ECSIT: variants seen among roughly 807,000 people sequenced by gnomAD.
The protein encoded by ECSIT is evolutionarily conserved signaling intermediate in Toll pathway, mitochondrial.
A neutral mutation model predicts 36.8 loss-of-function variants in ECSIT; 29 were observed. That is an observed-to-expected ratio of 0.79 (90% CI 0.59 to 1.08). The LOEUF is 1.08. Ranked by LOEUF, ECSIT falls within the 50% of genes least tolerant of loss-of-function variation. ECSIT has a pLI of 0.00. For missense variants in ECSIT, 542 were observed against 581.0 expected (o/e 0.93, Z 0.69); for synonymous variants, 231 against 234.8 (o/e 0.98, Z 0.15).
Position 11,505,979 on chromosome 19 carries a change from C to T in ECSIT, c.*205G>A, listed in dbSNP as rs972361536. On this transcript the variant is annotated 3_prime_UTR_variant, in exon 8 of 8. Transcript: ENST00000270517. ...CCCTTTTTATTTGAATTCGGAGAAC[C>T]AGAGGCGCCTGCAGATTCTGGAGGG... is the stretch of plus-strand genomic sequence containing the variant. 4.1e-6 allele frequency: 4 copies of T among 983,596 alleles called. No individual in the cohort carries two copies. Among genetic ancestry groups the T allele is most frequent in the Middle Eastern group, 3.4e-4 (1 of 2,900 alleles). The allele number at this position is 983,596 out of a possible 1,614,324, so 60.9% of individuals were successfully genotyped here. A position where few individuals can be genotyped will look rare whatever the true frequency, so the allele number is the denominator to read the frequency against.
chr19:11,514,442 G>T (rs955422975), intron 2 of ECSIT, among the ~76,000 whole-genome samples: 1 of 152,138 alleles, frequency 6.6e-6, no homozygotes, highest in Non-Finnish European at 1.5e-5. Flanking sequence ...TGGCTACGGG[G>T]AGCTGGTAAA....
In ECSIT at chr19:11,506,064, A is replaced by G; in HGVS notation, c.*120T>C. ...TGGGGAGGGGATGCCATACTGCTAG[A>G]GATGAGGGAAGAGAGCCCCAAGCAG... On this transcript the variant is annotated 3_prime_UTR_variant, in exon 8 of 8. Coordinates refer to ENST00000270517, the MANE Select transcript of ECSIT (RefSeq NM_016581.5). 5 of 1,469,758 alleles carry G rather than the reference A, an allele frequency of 3.4e-6. No homozygotes were observed. Among genetic ancestry groups the G allele is most frequent in the Non-Finnish European group, 4.6e-6 (5 of 1,094,172 alleles). The allele number at this position is 1,469,758 out of a possible 1,614,324, so 91.0% of individuals were successfully genotyped here. A position where few individuals can be genotyped will look rare whatever the true frequency, so the allele number is the denominator to read the frequency against.
chr19:11,518,385 C>T (rs1972039166), intron 2 of ECSIT, among the ~76,000 whole-genome samples: 2 of 151,958 alleles, frequency 1.3e-5, no homozygotes, highest in South Asian at 4.1e-4. Flanking sequence ...CAAGACCACG[C>T]CACTGCACTC....
intron 4 of ECSIT, among the ~76,000 whole-genome samples, chr19:11,510,139 C>G (rs993828651): frequency 6.6e-6 from 1 of 152,034 alleles, no homozygotes; most frequent in Non-Finnish European, 1.5e-5. Flanking sequence ...TTCCAAAGTG[C>G]TGGGATTACA....
In ECSIT at chr19:11,506,605, G is replaced by A. The variant is rs1971748387; in HGVS notation, c.1052-177C>T. ...GCTGGAGTGCAGTGGCGAGATCTCG[G>A]CTCACTGCAACATCCGCCTCCCAGG... On this transcript the variant is annotated intron_variant, in intron 7 of 7. Coordinates refer to ENST00000270517, the MANE Select transcript of ECSIT (RefSeq NM_016581.5). 2.7e-5 allele frequency among the ~76,000 whole-genome samples: 4 copies of A among 146,504 alleles called. No homozygotes were observed. The Admixed American group carries it at 2.8e-4, about 10-fold the overall frequency.
chr19:11,522,447 C>A, intron 1 of ECSIT: 1 of 1,459,626 alleles, frequency 6.9e-7, no homozygotes, highest in Non-Finnish European at 9.5e-7. Context: ...AGGTCCTGCG[C>A]CATCAGCACA....
chr19:11,523,491 A>G, intron 1 of ECSIT: 4 of 1,059,506 alleles, frequency 3.8e-6, no homozygotes, highest in Non-Finnish European at 5.7e-6. Flanking sequence ...ACTGCTTTAC[A>G]AGAGGTGCTG....
At chr19:11,524,415 G>A (rs59373140) in intron 1 of ECSIT, among the ~76,000 whole-genome samples, 3,392 of 152,000 alleles carry the variant, frequency 0.022, 140 homozygotes, top group African/African-American at 0.077. Context: ...CCAGTTACTC[G>A]GGAGGCTGAG....
chr19:11,525,188 A>G lies in ECSIT; in HGVS notation c.-24+3874T>C, dbSNP rs144289595. 3.3e-5 allele frequency among the ~76,000 whole-genome samples: 5 copies of G among 151,834 alleles called. No homozygotes were observed. In the East Asian group the frequency reaches 7.8e-4, roughly 24 times the overall value. Reference sequence around the variant, plus strand: ...CATAAAAAGCACTGCAATGACTTTCATATGCACCTAGGATTAAGACCTTAA... The same window carrying G: ...CATAAAAAGCACTGCAATGACTTTCGTATGCACCTAGGATTAAGACCTTAA... On this transcript the variant is annotated intron_variant, in intron 1 of 7. Transcript: ENST00000270517.
At chr19:11,509,311 G>T (rs1971822393) in intron 4 of ECSIT, among the ~76,000 whole-genome samples, 1 of 151,240 alleles carries the variant, frequency 6.6e-6, no homozygotes, top group African/African-American at 2.4e-5. Flanking sequence ...AACCTCAGGT[G>T]ATCCACCTGC....
At chr19:11,511,811 G>A (rs1458449120) in intron 4 of ECSIT, among the ~76,000 whole-genome samples, 1 of 152,088 alleles carries the variant, frequency 6.6e-6, no homozygotes, top group Non-Finnish European at 1.5e-5. Context: ...GAGGTGGGCA[G>A]ATCATGAGGT....
At chr19:11,517,863 G>T (rs1310011413) in intron 2 of ECSIT, among the ~76,000 whole-genome samples, 1 of 152,074 alleles carries the variant, frequency 6.6e-6, no homozygotes, top group Non-Finnish European at 1.5e-5. Flanking sequence ...ATGGGTATAG[G>T]AAAGAAATTC....
intron 1 of ECSIT, chr19:11,522,355 G>A: frequency 1.3e-6 from 1 of 786,582 alleles, no homozygotes; most frequent in Non-Finnish European, 2.2e-6. Flanking sequence ...CATGAAGATG[G>A]AGGAGATAGC....
chr19:11,510,261 G>GA (rs1971844046), intron 4 of ECSIT, among the ~76,000 whole-genome samples: 1 of 151,958 alleles, frequency 6.6e-6, no homozygotes, highest in Non-Finnish European at 1.5e-5. Flanking sequence ...CTACAGACTT[G>GA]ACTTCCTGAG....
At chr19:11,506,986 C>T (rs1971758002) in intron 7 of ECSIT, among the ~76,000 whole-genome samples, 1 of 152,212 alleles carries the variant, frequency 6.6e-6, no homozygotes, top group Admixed American at 6.5e-5. Context: ...ATGCTCCTCT[C>T]CTAAGCTCCC....
Position 11,519,086 on chromosome 19 carries a change from A to C in ECSIT, c.85T>G (p.Ser29Ala), listed in dbSNP as rs1972052139. Residue 29 changes from serine to alanine, a missense_variant, in exon 2 of 8, where the codon TCC (serine) becomes GCC (alanine). By Grantham distance (99) the Ser-to-Ala change is moderately conservative. Transcript: ENST00000270517. The surrounding 1 kb of genome is among the most constrained non-coding windows in gnomAD (Gnocchi z 4.4). The stretch of plus-strand genomic sequence containing the variant: ...TGGCTGGTGCTTACCTGAGAGATGG[A>C]GGTTCCTGTGAGGGCGGCCCCGCAG... ...GTCGAALTGT[S>A]ISQVPRRLPR... is the part of the protein sequence containing the mutation. The C allele has an allele frequency of 6.4e-7, 1 of 1,551,418 alleles. No homozygotes were observed.
intron 4 of ECSIT, 140 bp from the exon 5 acceptor site, chr19:11,508,188 C>T (rs1489008877): frequency 4.1e-6 from 4 of 979,090 alleles, no homozygotes; most frequent in Non-Finnish European, 6.4e-6. Flanking sequence ...AACCTGTCCC[C>T]TCCTCCCTCT....
chr19:11,523,642 G>C (rs1353862963), intron 1 of ECSIT: 4 of 811,754 alleles, frequency 4.9e-6, no homozygotes, highest in Non-Finnish European at 6.3e-6. Context: ...GTCCCTTTGT[G>C]CTGAGCACCA....
At chr19:11,506,816 TGA>T (rs1971753358) in intron 7 of ECSIT, among the ~76,000 whole-genome samples, 1 of 152,200 alleles carries the variant, frequency 6.6e-6, no homozygotes, top group Non-Finnish European at 1.5e-5. Flanking sequence ...ATTACAGGCG[TGA>T]GCCACTGTGC....
Sources: allele counts gnomAD v4.1 joint callset (sites outside exome capture counted in the v4.1 genomes callset), GRCh38; gene constraint gnomAD v4.1.1; non-coding constraint Gnocchi (gnomAD v3.1); transcripts MANE v1.5; gene names NCBI Gene and HGNC (gene_info 2026-07-23, HGNC 2026-07-21).